Variants in SHTN1 observed in about 807,000 individuals in gnomAD.
SHTN1 encodes shootin 1, also known as shootin-1.
A neutral mutation model predicts 83.1 loss-of-function variants in SHTN1; 42 were observed. The ratio of observed to expected loss-of-function variants is 0.51; its 90% confidence interval spans 0.39 to 0.65. SHTN1 has a LOEUF of 0.65. Ranked by LOEUF, SHTN1 falls within the 30% of genes least tolerant of loss-of-function variation. The pLI is 0.00. For missense variants in SHTN1, 622 were observed against 737.8 expected (o/e 0.84, Z 1.82); for synonymous variants, 224 against 247.7 (o/e 0.90, Z 0.90).
At chr10:116,990,287 C>CTTTTTTTTTTTTTTTTTTTTTTTCTTT (rs11399364) in intron 1 of SHTN1, among the ~76,000 whole-genome samples, 1 of 119,920 alleles carries the variant, frequency 8.3e-6, no homozygotes, top group Non-Finnish European at 1.7e-5. Flanking sequence ...TTTTTTCTTT[C>CTTTTTTTTTTTTTTTTTTTTTTTCTTT]TTTTTTTTTT....
chr10:116,960,428 C>T (rs1850145152), intron 3 of SHTN1, 198 bp from the exon 4 acceptor site: 2 of 457,584 alleles, frequency 4.4e-6, no homozygotes, highest in Admixed American at 3.7e-5. Flanking sequence ...AACAAGAACA[C>T]AACAAAATAC....
At chr10:117,005,610 T>G, upstream of SHTN1, 2 of 988,768 alleles carry the variant, frequency 2.0e-6, no homozygotes, top group Non-Finnish European at 2.4e-6. Flanking sequence ...TTCCCTAGTT[T>G]TCCCGCAGTA....
intron 8 of SHTN1, among the ~76,000 whole-genome samples, chr10:116,940,855 ATATTT>A (rs1264928773): frequency 2.0e-5 from 3 of 152,140 alleles, no homozygotes; most frequent in Non-Finnish European, 4.4e-5. Context: ...TCAGTTTTTA[ATATTT>A]TATTATTGCT....
At chr10:116,981,973 G>C (rs536020157) in intron 1 of SHTN1, among the ~76,000 whole-genome samples, 7 of 152,140 alleles carry the variant, frequency 4.6e-5, no homozygotes, top group Non-Finnish European at 7.4e-5. Context: ...CAGAAGAATC[G>C]CTTGATCCCG....
chr10:117,079,220 T>C (rs1853218223), intron 1 of SHTN1, among the ~76,000 whole-genome samples: 1 of 125,944 alleles, frequency 7.9e-6, no homozygotes, highest in Admixed American at 9.4e-5. Context: ...CAGAGTGTGA[T>C]GTTCCCCTTC....
chr10:117,111,066 C>A (rs547862243), intron 1 of SHTN1, among the ~76,000 whole-genome samples: 1 of 151,038 alleles, frequency 6.6e-6, no homozygotes, highest in South Asian at 2.1e-4. Flanking sequence ...GGCGTGGTGG[C>A]ACACGCCTGT....
chr10:116,979,444 T>G lies in SHTN1; in HGVS notation c.59-136A>C, dbSNP rs939351457. ...GAGAAGAGGCTGCAGAAAAGGGGCT[T>G]CTGCTTTTTATTTTTTTTATTTTGT... On this transcript the variant is annotated intron_variant, in intron 1 of 16. Transcript: ENST00000355371. 1.9e-4 allele frequency: 129 copies of G among 689,002 alleles called. 1 individual carries two copies. The highest frequency in any genetic ancestry group is 4.8e-4 in the Middle Eastern group (2 of 4,134). 42.7% of individuals were successfully genotyped at this position (689,002 alleles called of 1,614,324 possible).
intron 1 of SHTN1, among the ~76,000 whole-genome samples, chr10:116,983,097 G>A (rs888861967): frequency 4.6e-5 from 7 of 152,090 alleles, no homozygotes; most frequent in Non-Finnish European, 1.0e-4. Flanking sequence ...GGTTATATAG[G>A]ACAGTAATTA....
intron 1 of SHTN1, among the ~76,000 whole-genome samples, chr10:117,074,309 C>A (rs555551719): frequency 6.6e-6 from 1 of 152,100 alleles, no homozygotes; most frequent in Non-Finnish European, 1.5e-5. Context: ...TCCTTGGAAA[C>A]GTTTCATGTT....
At chr10:117,004,975 G>A (rs1851960390) in intron 1 of SHTN1, 47 bp downstream of exon 1, 1 of 1,545,310 alleles carries the variant, frequency 6.5e-7, no homozygotes, top group Non-Finnish European at 8.8e-7. Flanking sequence ...GGCCGTCCCC[G>A]CCCACGGGCC....
At chr10:116,915,865 C>G (rs1259427899) in intron 12 of SHTN1, among the ~76,000 whole-genome samples, 1 of 152,120 alleles carries the variant, frequency 6.6e-6, no homozygotes, top group East Asian at 1.9e-4. Flanking sequence ...ACTGTACATC[C>G]TATGTCAAAG....
intron 2 of SHTN1, among the ~76,000 whole-genome samples, chr10:117,014,896 GT>G (rs1852160165): frequency 6.6e-6 from 1 of 152,182 alleles, no homozygotes; most frequent in Non-Finnish European, 1.5e-5. Context: ...AACACCTAAA[GT>G]TTGTGAACAT....
chr10:117,004,691 G>C (rs1851945729), intron 1 of SHTN1, among the ~76,000 whole-genome samples: 1 of 152,040 alleles, frequency 6.6e-6, no homozygotes, highest in African/African-American at 2.4e-5. Flanking sequence ...CCGCTTCTCC[G>C]GCAAGGAAGG....
chr10:116,961,111 G>A (rs894969410), intron 3 of SHTN1, among the ~76,000 whole-genome samples: 2 of 150,836 alleles, frequency 1.3e-5, no homozygotes, highest in Non-Finnish European at 2.9e-5. Context: ...ATTGCTATTT[G>A]TTTGGCTTAA....
chr10:117,097,172 C>T (rs950971608), intron 1 of SHTN1, among the ~76,000 whole-genome samples: 38 of 152,286 alleles, frequency 2.5e-4, no homozygotes, highest in Middle Eastern at 3.4e-3. Flanking sequence ...AATCCAAAAA[C>T]GTAATTTCAC....
chr10:117,017,469 C>T (rs1182434629), intron 2 of SHTN1, among the ~76,000 whole-genome samples: 18 of 128,812 alleles, frequency 1.4e-4, no homozygotes, highest in African/African-American at 5.3e-4. Flanking sequence ...CCAGCCTGGG[C>T]GACAGAGCGA....
intron 2 of SHTN1, among the ~76,000 whole-genome samples, chr10:117,030,233 G>A (rs1017954658): frequency 2.6e-5 from 4 of 152,126 alleles, no homozygotes; most frequent in African/African-American, 4.8e-5. Context: ...AGCAATGTGA[G>A]AATGACGTAA....
At chr10:117,070,843 G>C (rs972249155) in intron 1 of SHTN1, among the ~76,000 whole-genome samples, 1 of 151,816 alleles carries the variant, frequency 6.6e-6, no homozygotes, top group Non-Finnish European at 1.5e-5. Context: ...TAGGGATAAA[G>C]TGGAGGGAGA....
chr10:117,110,439 C>T (rs1853748920), intron 1 of SHTN1, among the ~76,000 whole-genome samples: 1 of 152,180 alleles, frequency 6.6e-6, no homozygotes, highest in South Asian at 2.1e-4. Flanking sequence ...ACAACCTCTG[C>T]CTCCCGGGTT....
Sources: allele counts gnomAD v4.1 joint callset (sites outside exome capture counted in the v4.1 genomes callset), GRCh38; gene constraint gnomAD v4.1.1; transcripts MANE v1.5; gene names NCBI Gene and HGNC (gene_info 2026-07-23, HGNC 2026-07-21).